Variants in DCC observed in about 807,000 individuals in gnomAD.
DCC encodes netrin receptor DCC.
In DCC, 58 loss-of-function variants were observed where a neutral mutation model predicts 172.5. The ratio of observed to expected loss-of-function variants is 0.34; its 90% CI spans 0.27 to 0.42. The LOEUF is 0.42. DCC is among the 10% of genes least tolerant of loss of function. The pLI is 1.00. For synonymous variants in DCC, 709 were observed against 644.5 expected (o/e 1.10, Z -1.52); for missense variants, 1,740 against 1,791.0 (o/e 0.97, Z 0.51).
intron 1 of DCC, among the ~76,000 whole-genome samples, chr18:52,704,861 T>C (rs1159140227): frequency 6.6e-6 from 1 of 152,218 alleles, no homozygotes; most frequent in Non-Finnish European, 1.5e-5. Flanking sequence ...ATCCTTTTCA[T>C]TTAGCCTCCC....
chr18:52,616,428 T>G (rs191582794), intron 1 of DCC, among the ~76,000 whole-genome samples: 85 of 152,302 alleles, frequency 5.6e-4, no homozygotes, highest in Non-Finnish European at 1.1e-3. Context: ...ATGCCAGAGA[T>G]GTCTTCAAGG....
At chr18:52,740,612 G>A (rs118071335) in intron 1 of DCC, among the ~76,000 whole-genome samples, 8,376 of 152,184 alleles carry the variant, frequency 0.055, 311 homozygotes, top group Middle Eastern at 0.14. Context: ...TTAATCCTTC[G>A]TATTTGTAAT....
intron 1 of DCC, among the ~76,000 whole-genome samples, chr18:52,541,770 A>G (rs1364657750): frequency 6.6e-6 from 1 of 151,114 alleles, no homozygotes; most frequent in Non-Finnish European, 1.5e-5. Flanking sequence ...GTCCCTCTCC[A>G]CTTTATAATG....
chr18:53,437,369 A>G (rs1202411963), intron 22 of DCC, among the ~76,000 whole-genome samples: 1 of 152,056 alleles, frequency 6.6e-6, no homozygotes, highest in Admixed American at 6.6e-5. Flanking sequence ...TCACGAGGTC[A>G]GGAAATCGAG....
At chr18:53,051,537 T>C (rs1289442134) in intron 5 of DCC, among the ~76,000 whole-genome samples, 1 of 152,168 alleles carries the variant, frequency 6.6e-6, no homozygotes, top group Admixed American at 6.6e-5. Flanking sequence ...ATTGCTTAGA[T>C]TTTGTTGTTA....
At chr18:53,012,332 A>G (rs1160196135) in intron 5 of DCC, among the ~76,000 whole-genome samples, 2 of 152,062 alleles carry the variant, frequency 1.3e-5, no homozygotes, top group Non-Finnish European at 2.9e-5. Context: ...AGTCAAAAAT[A>G]GAATACTGAA....
intron 27 of DCC, among the ~76,000 whole-genome samples, chr18:53,514,246 A>T (rs533600173): frequency 7.9e-5 from 12 of 152,278 alleles, no homozygotes; most frequent in African/African-American, 2.6e-4. Context: ...ATGTTCTTTG[A>T]AACCAACGAG....
chr18:52,909,520 A>G (rs1003519850), intron 3 of DCC, among the ~76,000 whole-genome samples: 2 of 152,180 alleles, frequency 1.3e-5, no homozygotes, highest in Non-Finnish European at 2.9e-5. Flanking sequence ...TTATAGTTAT[A>G]TAATTCTAAA....
intron 2 of DCC, among the ~76,000 whole-genome samples, chr18:52,815,148 TTAA>T (rs1352846413): frequency 2.0e-5 from 3 of 152,164 alleles, no homozygotes; most frequent in Non-Finnish European, 4.4e-5. Context: ...AAATACAGGC[TTAA>T]TAATTTTGGT....
intron 1 of DCC, among the ~76,000 whole-genome samples, chr18:52,459,882 C>CATATAT (rs34562886): frequency 0.021 from 3,073 of 148,620 alleles, 40 homozygotes; most frequent in Non-Finnish European, 0.03. Flanking sequence ...GCATAGTATT[C>CATATAT]ATATATATAT....
chr18:52,610,158 A>T (rs1476484842), intron 1 of DCC, among the ~76,000 whole-genome samples: 99 of 9,466 alleles, frequency 0.01, 4 homozygotes, highest in South Asian at 0.016. Context: ...TCATAAAAAA[A>T]AAAAAAAAAA....
intron 7 of DCC, among the ~76,000 whole-genome samples, chr18:53,154,858 T>C (rs2054703475): frequency 6.6e-6 from 1 of 152,118 alleles, no homozygotes; most frequent in Admixed American, 6.5e-5. Context: ...CTGCCTGTGA[T>C]GTGTGGAAGT....
At chr18:52,442,900 T>A (rs1408195727) in intron 1 of DCC, among the ~76,000 whole-genome samples, 2 of 152,064 alleles carry the variant, frequency 1.3e-5, no homozygotes, top group Non-Finnish European at 2.9e-5. Context: ...AAGCAGGTGG[T>A]AAGCTGCAAA....
chr18:52,851,342 T>C (rs891933643), intron 2 of DCC, among the ~76,000 whole-genome samples: 4 of 152,210 alleles, frequency 2.6e-5, no homozygotes, highest in South Asian at 4.1e-4. Flanking sequence ...CTCCAGAAAA[T>C]AGTTTGTCAT....
intron 22 of DCC, among the ~76,000 whole-genome samples, chr18:53,442,559 G>A (rs984698744): frequency 5.3e-5 from 8 of 152,114 alleles, no homozygotes; most frequent in African/African-American, 1.4e-4. Flanking sequence ...GAAATTAGGC[G>A]AATTAATAAC....
chr18:52,892,706 T>C (rs921495073), intron 2 of DCC, among the ~76,000 whole-genome samples: 1 of 152,148 alleles, frequency 6.6e-6, no homozygotes, highest in Non-Finnish European at 1.5e-5. Flanking sequence ...TTATCAAAAA[T>C]TTGGTAATTC....
intron 2 of DCC, among the ~76,000 whole-genome samples, chr18:52,878,872 G>A (rs1376786735): frequency 6.6e-6 from 1 of 152,224 alleles, no homozygotes; most frequent in African/African-American, 2.4e-5. Flanking sequence ...GAGAATATCA[G>A]TAGAATAATT....
intron 14 of DCC, among the ~76,000 whole-genome samples, chr18:53,333,312 A>T (rs2057552700): frequency 6.6e-6 from 1 of 152,254 alleles, no homozygotes; most frequent in South Asian, 2.1e-4. Context: ...GAGTGTGGGT[A>T]TATCAATTGC....
At chr18:53,203,302 A>T (rs1406551507) in intron 9 of DCC, among the ~76,000 whole-genome samples, 1 of 151,860 alleles carries the variant, frequency 6.6e-6, no homozygotes, top group Non-Finnish European at 1.5e-5. Context: ...AGTGTTGACA[A>T]TAGGTAAGTC....
Sources: allele counts gnomAD v4.1 joint callset (sites outside exome capture counted in the v4.1 genomes callset), GRCh38; gene constraint gnomAD v4.1.1; transcripts MANE v1.5; gene names NCBI Gene and HGNC (gene_info 2026-07-23, HGNC 2026-07-21).